Variants in SLC66A2 observed in about 807,000 individuals in gnomAD.
The protein encoded by SLC66A2 is PQ loop repeat containing 1.
A neutral mutation model predicts 25.5 loss-of-function variants in SLC66A2; 23 were observed. The ratio of observed to expected loss-of-function variants is 0.90; its 90% CI spans 0.65 to 1.28. SLC66A2 has a LOEUF of 1.28. Ranked by LOEUF, SLC66A2 falls within the 50% of genes most tolerant of loss-of-function variation. SLC66A2 has a pLI of 0.00. For missense variants in SLC66A2, 396 were observed against 373.1 expected (o/e 1.06, Z -0.51); for synonymous variants, 193 against 166.5 (o/e 1.16, Z -1.23).
chr18:79,908,770 T>A (rs1982504515), intron 5 of SLC66A2, among the ~76,000 whole-genome samples: 1 of 152,256 alleles, frequency 6.6e-6, no homozygotes, highest in Non-Finnish European at 1.5e-5. Flanking sequence ...TCCTCTCATC[T>A]CCATTCTACA....
intron 3 of SLC66A2, among the ~76,000 whole-genome samples, chr18:79,934,922 C>A (rs1986929118): frequency 6.6e-6 from 1 of 152,194 alleles, no homozygotes; most frequent in Non-Finnish European, 1.5e-5. Context: ...TGTTGTTCCA[C>A]TCACAAGGCA....
At chr18:79,943,240 A>G in intron 3 of SLC66A2, 89 bp downstream of exon 3, 1 of 1,507,492 alleles carries the variant, frequency 6.6e-7, no homozygotes, top group African/African-American at 1.4e-5. Context: ...AGCTGCTTGG[A>G]TCAGGACAGA....
intron 5 of SLC66A2, among the ~76,000 whole-genome samples, chr18:79,915,085 T>C (rs35025619): frequency 0.08 from 12,113 of 152,288 alleles, 538 homozygotes; most frequent in African/African-American, 0.11. Context: ...CCTCAGGCCA[T>C]GCAGAGGCAA....
chr18:79,919,395 C>G lies in SLC66A2; in HGVS notation c.397G>C (p.Asp133His). 4 of 1,612,396 alleles carry G rather than the reference C, an allele frequency of 2.5e-6. No individual in the cohort carries two copies. Among genetic ancestry groups the G allele is most frequent in the Non-Finnish European group, 3.4e-6 (4 of 1,179,752 alleles). The part of the protein sequence containing the change: ...VAPRRSFLDF[D>H]PHHFWQWSSF... ...CTCCACTGCCAGAAGTGGTGGGGGTCGAAGTCTAGGGCGAGAGGGAGAAGC... is the reference window on the plus strand; with the variant it reads ...CTCCACTGCCAGAAGTGGTGGGGGTGGAAGTCTAGGGCGAGAGGGAGAAGC... Residue 133 changes from aspartate to histidine, a missense_variant, in exon 5 of 6, where the codon GAC becomes CAC. Physicochemically the swap from Asp to His is moderately conservative, Grantham distance 81. Transcript: ENST00000397778.
rs1331210518 is a variant in SLC66A2, at chr18:79,937,616, C to T, written c.338-3594G>A. On this transcript the variant is annotated intron_variant, in intron 3 of 5. Coordinates refer to ENST00000397778, the MANE Select transcript of SLC66A2 (RefSeq NM_025078.5). This position sits in a 1 kb window ranked among gnomAD's most constrained non-coding sequence, Gnocchi z 5.4. ...CATCCTGCAGCCCCTGATGAGCTGA[C>T]GGCCTCAGCATGAGCCCCACAGTGG... 6.6e-6 allele frequency among the ~76,000 whole-genome samples: 1 copy of T among 152,166 alleles called. No homozygotes were observed. The highest frequency in any genetic ancestry group is 2.4e-5 in the African/African-American group (1 of 41,428).
rs539287568 is a variant in SLC66A2, at chr18:79,942,545, G to A, written c.337+784C>T. On this transcript the variant is annotated intron_variant, in intron 3 of 5. Coordinates refer to ENST00000397778, the MANE Select transcript of SLC66A2 (RefSeq NM_025078.5). ...GAAGCCCCAAACTTAACAAACTCTG[G>A]GAAGATACTCTTCTCCAAGTGATAG... Among the ~76,000 whole-genome samples the A allele has an allele frequency of 5.3e-5, 8 of 152,216 alleles. No homozygotes were observed. The South Asian group carries it at 1.4e-3, about 28-fold the overall frequency.
intron 4 of SLC66A2, among the ~76,000 whole-genome samples, chr18:79,931,290 T>A (rs1439852518): frequency 6.6e-6 from 1 of 152,180 alleles, no homozygotes; most frequent in African/African-American, 2.4e-5. Flanking sequence ...GGATTTTTTT[T>A]AAAGATCCAT....
Position 79,903,716 on chromosome 18 carries a change from TG to T in SLC66A2, c.*259del. 1 of 508,444 alleles carries T rather than the reference TG, an allele frequency of 2.0e-6. No homozygotes were observed. 31.5% of individuals were successfully genotyped at this position (508,444 alleles called of 1,614,324 possible). On this transcript the variant is annotated 3_prime_UTR_variant, in exon 6 of 6. Transcript: ENST00000397778. ...CATAAGAGGAAATGGGGAAAACACT[TG>T]CTTTTTATGTCATCCTAAAAACATC... is the stretch of plus-strand genomic sequence containing the variant.
At chr18:79,924,719 T>C (rs2144819572) in intron 4 of SLC66A2, among the ~76,000 whole-genome samples, 1 of 152,380 alleles carries the variant, frequency 6.6e-6, no homozygotes, top group East Asian at 1.9e-4. Context: ...ACTTGTTTTA[T>C]TAAAAAGTAT....
chr18:79,933,833 T>C (rs773415864), intron 4 of SLC66A2, 136 bp downstream of exon 4: 28 of 700,454 alleles, frequency 4.0e-5, no homozygotes, highest in Non-Finnish European at 6.0e-5. Flanking sequence ...GTTGATTAGT[T>C]TGCTGTAGAC....
At chr18:79,947,451 C>T (rs1438916054) in intron 2 of SLC66A2, 1 of 152,582 alleles carries the variant, frequency 6.6e-6, no homozygotes, top group Non-Finnish European at 1.5e-5. Context: ...ACCCCAAATC[C>T]CCAACGGGGA....
chr18:79,943,407 T>G lies in SLC66A2; in HGVS notation c.259A>C (p.Thr87Pro). 1 of 1,614,176 alleles carries G rather than the reference T, an allele frequency of 6.2e-7. No individual in the cohort carries two copies. Among genetic ancestry groups the G allele is most frequent in the Non-Finnish European group, 8.5e-7 (1 of 1,180,004 alleles). ...CACAGCTTCAGCATCAGCAGCATGG[T>G]CAGGATCATGATGGCGCTCTGCCAC... is the stretch of plus-strand genomic sequence containing the variant. Reference protein sequence around the residue: ...LLWQSAIMILTMLLMLKLCTE... With the variant: ...LLWQSAIMILPMLLMLKLCTE... Residue 87 changes from threonine to proline, a missense_variant, in exon 3 of 6, where the codon ACC becomes CCC. Coordinates refer to ENST00000397778, the MANE Select transcript of SLC66A2 (RefSeq NM_025078.5).
intron 2 of SLC66A2, among the ~76,000 whole-genome samples, chr18:79,946,983 C>T (rs553562474): frequency 6.6e-6 from 1 of 152,218 alleles, no homozygotes; most frequent in East Asian, 1.9e-4. Flanking sequence ...AAAAATCCAG[C>T]AGAAGAGAAG....
At position 79,941,543 on chromosome 18, in the gene SLC66A2, C is replaced by T. The variant is rs1285479263; in HGVS notation, c.337+1786G>A. On this transcript the variant is annotated intron_variant, in intron 3 of 5. Transcript: ENST00000397778. This position sits in a 1 kb window ranked among gnomAD's most constrained non-coding sequence, Gnocchi z 4.1. ...ATCCTGGGTAACCAGAAGAGAAGTA[C>T]TCCTTTGGAAGAAGTGACACAGAAC... 1 of 152,214 alleles carries T rather than the reference C, an allele frequency of 6.6e-6. No individual in the cohort carries two copies. The highest frequency in any genetic ancestry group is 1.5e-5 in the Non-Finnish European group (1 of 68,056). The allele number at this position is 152,214 out of a possible 1,614,324, so 9.4% of individuals were successfully genotyped here. A position where few individuals can be genotyped will look rare whatever the true frequency, so the allele number is the denominator to read the frequency against.
intron 3 of SLC66A2, among the ~76,000 whole-genome samples, chr18:79,936,188 G>T (rs1407830837): frequency 6.6e-6 from 1 of 152,212 alleles, no homozygotes; most frequent in African/African-American, 2.4e-5. Flanking sequence ...GGGAGTGCAG[G>T]GGTGATAGTG....
chr18:79,912,458 T>A (rs1983371159), intron 5 of SLC66A2, among the ~76,000 whole-genome samples: 1 of 152,076 alleles, frequency 6.6e-6, no homozygotes, highest in Non-Finnish European at 1.5e-5. Flanking sequence ...ACCCTGAGAA[T>A]ACGAAGTGCA....
intron 3 of SLC66A2, among the ~76,000 whole-genome samples, chr18:79,939,914 A>G (rs1392498309): frequency 2.0e-5 from 3 of 152,214 alleles, no homozygotes; most frequent in African/African-American, 7.2e-5. Flanking sequence ...ACACATGCAC[A>G]CATATGTTCA....
chr18:79,936,795 C>T (rs557729796), intron 3 of SLC66A2, among the ~76,000 whole-genome samples: 3 of 152,308 alleles, frequency 2.0e-5, no homozygotes, highest in East Asian at 1.9e-4. Context: ...CATGCAGCAG[C>T]GACCTGACCT....
intron 5 of SLC66A2, among the ~76,000 whole-genome samples, chr18:79,908,822 A>C (rs986187905): frequency 1.3e-5 from 2 of 152,210 alleles, no homozygotes; most frequent in African/African-American, 4.8e-5. Flanking sequence ...TGTATTTTTC[A>C]ATTTAAAATT....
Sources: gnomAD v4.1 joint callset for allele counts (sites outside exome capture counted in the v4.1 genomes callset) on GRCh38, gnomAD v4.1.1 for gene constraint, Gnocchi (gnomAD v3.1) non-coding constraint, MANE v1.5 for transcripts, NCBI Gene and HGNC (gene_info 2026-07-23, HGNC 2026-07-21) for gene names.